PRKG1: variants seen among roughly 807,000 people sequenced by gnomAD.
PRKG1 encodes the protein cGMP-dependent protein kinase 1.
In PRKG1, 35 loss-of-function variants were observed where a neutral mutation model predicts 88.1. The observed-to-expected ratio is 0.40, with a 90% CI of 0.30 to 0.53. The LOEUF (loss-of-function observed/expected upper bound fraction) is 0.53, where lower values mean the gene tolerates loss of function less well. Among genes scored for constraint, PRKG1 ranks in the 20% least tolerant of loss-of-function variants. The pLI, the probability that PRKG1 is intolerant of heterozygous loss-of-function variation, is 0.59. For missense variants in PRKG1, 540 were observed against 839.8 expected (o/e 0.64, Z 4.41); for synonymous variants, 303 against 292.5 (o/e 1.04, Z -0.37).
intron 2 of PRKG1, among the ~76,000 whole-genome samples, chr10:51,165,423 G>A (rs541987250): frequency 0.038 from 5,732 of 151,934 alleles, 350 homozygotes; most frequent in African/African-American, 0.13. Flanking sequence ...AGGAACAACC[G>A]GTACCAGCCA....
At chr10:51,210,464 T>C (rs1389181506) in intron 2 of PRKG1, among the ~76,000 whole-genome samples, 1 of 151,790 alleles carries the variant, frequency 6.6e-6, no homozygotes, top group African/African-American at 2.4e-5. Context: ...ATAACTAAGA[T>C]CAGAGCAGAA....
chr10:51,948,800 A>T (rs74765858), intron 5 of PRKG1, among the ~76,000 whole-genome samples: 3,444 of 152,254 alleles, frequency 0.023, 137 homozygotes, highest in African/African-American at 0.079. Flanking sequence ...ATAGATTCAT[A>T]TATCTCTTGG....
rs781473103 is a variant in PRKG1, at chr10:52,293,855, T to C, written c.2016T>C (p.Asp672=). 2.0e-5 allele frequency: 33 copies of C among 1,613,146 alleles called. No homozygotes were observed. Among genetic ancestry groups the C allele is most frequent in the Non-Finnish European group, 2.8e-5 (33 of 1,179,384 alleles). ...TTGACAGTTTCCCTGAGGACAACGA[T>C]GAACCACCACCTGATGACAACTCAG... ...SNFDSFPEDN[D]EPPPDDNSGW... Residue 672 remains aspartate (D), a synonymous_variant, in exon 18 of 18, where the codon GAT becomes GAC. Coordinates refer to ENST00000373980, the MANE Select transcript of PRKG1 (RefSeq NM_006258.4).
At chr10:51,806,459 G>A (rs991955910) in intron 4 of PRKG1, among the ~76,000 whole-genome samples, 6 of 152,200 alleles carry the variant, frequency 3.9e-5, no homozygotes, top group Admixed American at 6.5e-5. Context: ...TCCAAAGTAA[G>A]TGAACATTTT....
intron 4 of PRKG1, among the ~76,000 whole-genome samples, chr10:51,829,968 C>A (rs1365207921): frequency 6.6e-6 from 1 of 152,072 alleles, no homozygotes; most frequent in African/African-American, 2.4e-5. Flanking sequence ...AAACAAAACT[C>A]ATGATGTTGA....
At chr10:51,987,548 T>A (rs1332094587) in intron 5 of PRKG1, among the ~76,000 whole-genome samples, 1 of 152,026 alleles carries the variant, frequency 6.6e-6, no homozygotes, top group Non-Finnish European at 1.5e-5. Flanking sequence ...TCCCAGAAAT[T>A]CTAAGTCACT....
intron 3 of PRKG1, among the ~76,000 whole-genome samples, chr10:51,511,961 T>C (rs1170006507): frequency 6.6e-6 from 1 of 152,124 alleles, no homozygotes; most frequent in Non-Finnish European, 1.5e-5. Flanking sequence ...AATAAGCAAA[T>C]TGCTATGCAT....
At chr10:51,937,590 CTGTT>C (rs1355964767) in intron 5 of PRKG1, among the ~76,000 whole-genome samples, 1 of 152,050 alleles carries the variant, frequency 6.6e-6, no homozygotes, top group Non-Finnish European at 1.5e-5. Context: ...TCTGAACTGC[CTGTT>C]TATTTACTGT....
intron 3 of PRKG1, among the ~76,000 whole-genome samples, chr10:51,721,735 G>A (rs1367346107): frequency 7.4e-6 from 1 of 134,594 alleles, no homozygotes; most frequent in African/African-American, 2.7e-5. Context: ...CATAACCAGT[G>A]GTATTTTCTT....
At chr10:51,482,181 T>C (rs1840383402) in intron 3 of PRKG1, among the ~76,000 whole-genome samples, 1 of 152,176 alleles carries the variant, frequency 6.6e-6, no homozygotes, top group East Asian at 1.9e-4. Context: ...TGGGGAATAA[T>C]GGCAAGAGGC....
At chr10:52,240,850 T>C (rs1247873666) in intron 9 of PRKG1, among the ~76,000 whole-genome samples, 3 of 152,220 alleles carry the variant, frequency 2.0e-5, no homozygotes, top group Admixed American at 2.0e-4. Context: ...TTTCCTGTGA[T>C]ACTTGTATAC....
intron 4 of PRKG1, among the ~76,000 whole-genome samples, chr10:51,823,811 A>G (rs1031705563): frequency 1.3e-5 from 2 of 150,980 alleles, no homozygotes; most frequent in African/African-American, 2.4e-5. Flanking sequence ...TTGGTATAAG[A>G]ATTATCTTCA....
intron 1 of PRKG1, among the ~76,000 whole-genome samples, chr10:51,014,408 G>A (rs1188538812): frequency 1.3e-5 from 2 of 150,046 alleles, no homozygotes; most frequent in East Asian, 3.9e-4. Flanking sequence ...TTATTTTTAT[G>A]AATCAGAGTT....
intron 2 of PRKG1, among the ~76,000 whole-genome samples, chr10:51,223,108 C>T (rs1322067529): frequency 3.3e-5 from 5 of 151,892 alleles, no homozygotes; most frequent in South Asian, 4.2e-4. Flanking sequence ...GTAATCACCA[C>T]GCTGTATATT....
intron 1 of PRKG1, among the ~76,000 whole-genome samples, chr10:51,057,903 A>G (rs1374144933): frequency 6.6e-6 from 1 of 152,048 alleles, no homozygotes; most frequent in African/African-American, 2.4e-5. Flanking sequence ...AGATTATGGG[A>G]TAGCCATATA....
intron 5 of PRKG1, among the ~76,000 whole-genome samples, chr10:52,011,681 G>A (rs902390951): frequency 5.3e-5 from 8 of 152,108 alleles, no homozygotes; most frequent in Non-Finnish European, 1.0e-4. Context: ...TGCCAAACTG[G>A]TTGACAGAGC....
chr10:51,566,437 C>T (rs1837607146), intron 3 of PRKG1, among the ~76,000 whole-genome samples: 1 of 152,020 alleles, frequency 6.6e-6, no homozygotes, highest in African/African-American at 2.4e-5. Flanking sequence ...CTATATGTTC[C>T]AGACGCTGCT....
chr10:51,847,523 C>A (rs1325976265), intron 4 of PRKG1, among the ~76,000 whole-genome samples: 1 of 151,330 alleles, frequency 6.6e-6, no homozygotes, highest in Non-Finnish European at 1.5e-5. Flanking sequence ...GCAAATGATT[C>A]TCCAGATGAT....
At chr10:52,111,002 A>G (rs998155274) in intron 7 of PRKG1, among the ~76,000 whole-genome samples, 3 of 152,206 alleles carry the variant, frequency 2.0e-5, no homozygotes, top group Non-Finnish European at 4.4e-5. Context: ...TTTCCCAGAG[A>G]TCTCCATTTA....
Sources: gnomAD v4.1 joint callset for allele counts (sites outside exome capture counted in the v4.1 genomes callset) on GRCh38, gnomAD v4.1.1 for gene constraint, MANE v1.5 for transcripts, NCBI Gene and HGNC (gene_info 2026-07-23, HGNC 2026-07-21) for gene names.